The following TMEM217 variants were observed in gnomAD, a reference collection of about 807,000 sequenced individuals.
TMEM217 encodes the protein transmembrane protein 217, also known as chromosome 6 open reading frame 128.
For missense variants in TMEM217, 204 were observed against 248.8 expected (o/e 0.82, Z 1.21); for synonymous variants, 76 against 88.3 (o/e 0.86, Z 0.78).
downstream of TMEM217, chr6:37,213,123 G>A (rs1175801257): frequency 7.5e-6 from 5 of 664,254 alleles, no homozygotes; most frequent in Non-Finnish European, 1.3e-5. Context: ...GCAATAGGCT[G>A]GAAGTTAAGG....
intron 1 of TMEM217, among the ~76,000 whole-genome samples, chr6:37,223,570 G>A (rs571916907): frequency 1.3e-5 from 2 of 152,250 alleles, no homozygotes; most frequent in Non-Finnish European, 2.9e-5. Flanking sequence ...GTACAGTGGC[G>A]TGATCTCAGT....
At chr6:37,249,652 C>T (rs1042336698) in intron 1 of TMEM217, among the ~76,000 whole-genome samples, 4 of 152,180 alleles carry the variant, frequency 2.6e-5, no homozygotes. Flanking sequence ...TGAACAGAGA[C>T]TAAGATTTCT....
At chr6:37,234,461 C>T (rs1164235477) in intron 1 of TMEM217, among the ~76,000 whole-genome samples, 1 of 152,176 alleles carries the variant, frequency 6.6e-6, no homozygotes, top group Non-Finnish European at 1.5e-5. Flanking sequence ...GACATAACCT[C>T]ATCGTAAGTT....
At chr6:37,249,541 G>A (rs1347426080) in intron 1 of TMEM217, among the ~76,000 whole-genome samples, 2 of 152,088 alleles carry the variant, frequency 1.3e-5, no homozygotes, top group Non-Finnish European at 2.9e-5. Context: ...AGCTGGTTTC[G>A]AACTCCTGAC....
At chr6:37,224,475 G>A (rs1763702955) in intron 1 of TMEM217, among the ~76,000 whole-genome samples, 1 of 151,724 alleles carries the variant, frequency 6.6e-6, no homozygotes, top group African/African-American at 2.4e-5. Context: ...GCGGGCACCT[G>A]TGGTCCCAGC....
At chr6:37,251,976 C>A (rs1237961964) in intron 1 of TMEM217, among the ~76,000 whole-genome samples, 1 of 152,176 alleles carries the variant, frequency 6.6e-6, no homozygotes, top group Non-Finnish European at 1.5e-5. Context: ...TCACTGCAAC[C>A]TCCACCTCCC....
At chr6:37,233,724 G>C (rs573351362) in intron 1 of TMEM217, among the ~76,000 whole-genome samples, 2 of 152,178 alleles carry the variant, frequency 1.3e-5, no homozygotes, top group South Asian at 2.1e-4. Context: ...CGTCTCCTTT[G>C]GACAATTAAC....
intron 1 of TMEM217, among the ~76,000 whole-genome samples, chr6:37,229,643 TGTGCAACTTTCA>T (rs1462553926): frequency 7.9e-5 from 12 of 152,184 alleles, no homozygotes; most frequent in African/African-American, 2.7e-4. Context: ...CGCCGGCCAA[TGTGCAACTTTCA>T]GTTTTACTAG....
chr6:37,236,529 G>A (rs752389014), intron 1 of TMEM217, among the ~76,000 whole-genome samples: 17 of 152,054 alleles, frequency 1.1e-4, no homozygotes, highest in Non-Finnish European at 1.8e-4. Flanking sequence ...CCATTATAGG[G>A]AGGGTATCAA....
chr6:37,230,255 G>C (rs1432660908), intron 1 of TMEM217, among the ~76,000 whole-genome samples: 1 of 152,200 alleles, frequency 6.6e-6, no homozygotes, highest in Non-Finnish European at 1.5e-5. Flanking sequence ...GGACCCACTT[G>C]TCTAATCCAA....
chr6:37,218,191 A>C, exon 2 of TMEM217: 1 of 1,061,716 alleles, frequency 9.4e-7, no homozygotes. Context: ...TTTTTGGGGG[A>C]CAGAGTCTTA....
intron 1 of TMEM217, among the ~76,000 whole-genome samples, chr6:37,243,887 G>C (rs183709587): frequency 3.3e-5 from 5 of 152,152 alleles, no homozygotes; most frequent in Admixed American, 2.6e-4. Context: ...TGGATGGGGG[G>C]GTGCACAGGA....
chr6:37,230,344 A>G (rs530224412), intron 1 of TMEM217, among the ~76,000 whole-genome samples: 6 of 152,320 alleles, frequency 3.9e-5, no homozygotes, highest in African/African-American at 1.4e-4. Flanking sequence ...GTGTGATACG[A>G]GGGGGCAAAG....
At chr6:37,255,046 T>C (rs989766518) in intron 1 of TMEM217, among the ~76,000 whole-genome samples, 6 of 152,128 alleles carry the variant, frequency 3.9e-5, no homozygotes, top group Admixed American at 2.0e-4. Flanking sequence ...GCAGTAATGA[T>C]TGCATGCCCA....
At chr6:37,213,173 A>T (rs1319274951), downstream of TMEM217, among the ~76,000 whole-genome samples, 2 of 152,236 alleles carry the variant, frequency 1.3e-5, no homozygotes, top group Non-Finnish European at 2.9e-5. Context: ...AACTTGCTAG[A>T]TGTGACCACA....
chr6:37,246,289 T>C (rs914408832), intron 1 of TMEM217, among the ~76,000 whole-genome samples: 3 of 151,578 alleles, frequency 2.0e-5, no homozygotes, highest in Admixed American at 1.3e-4. Flanking sequence ...GAAGGTTGCC[T>C]GGAGTGGGTT....
At chr6:37,220,175 G>A (rs935942821) in intron 1 of TMEM217, among the ~76,000 whole-genome samples, 4 of 152,174 alleles carry the variant, frequency 2.6e-5, no homozygotes, top group African/African-American at 9.7e-5. Flanking sequence ...TATTTGGGCT[G>A]ACATGTTGCC....
At chr6:37,227,957 G>GA (rs1249332354) in intron 1 of TMEM217, among the ~76,000 whole-genome samples, 1 of 151,822 alleles carries the variant, frequency 6.6e-6, no homozygotes, top group African/African-American at 2.4e-5. Context: ...TAGGAACACA[G>GA]AAAAAAAAGT....
intron 1 of TMEM217, among the ~76,000 whole-genome samples, chr6:37,243,526 G>C (rs889189927): frequency 3.3e-5 from 5 of 152,176 alleles, no homozygotes; most frequent in African/African-American, 1.2e-4. Flanking sequence ...TTGATATGAG[G>C]CTGGCCATAT....
Sources: allele counts gnomAD v4.1 joint callset (sites outside exome capture counted in the v4.1 genomes callset), GRCh38; gene constraint gnomAD v4.1.1; transcripts MANE v1.5; gene names NCBI Gene and HGNC (gene_info 2026-07-23, HGNC 2026-07-21).